Variants in AGBL1 observed in about 807,000 individuals in gnomAD.
The protein encoded by AGBL1 is AGBL carboxypeptidase 1.
A neutral mutation model predicts 118.9 loss-of-function variants in AGBL1; 130 were observed. The ratio of observed to expected loss-of-function variants is 1.09; its 90% CI spans 0.95 to 1.26. The LOEUF is 1.26. AGBL1 is among the 50% of genes most tolerant of loss of function. The pLI, the probability that AGBL1 is intolerant of heterozygous loss-of-function variation, is 0.00. For missense variants in AGBL1, 1,584 were observed against 1,298.1 expected (o/e 1.22, Z -3.38); for synonymous variants, 555 against 478.9 (o/e 1.16, Z -2.08).
intron 21 of AGBL1, among the ~76,000 whole-genome samples, chr15:86,671,057 C>G (rs998991868): frequency 6.6e-6 from 1 of 152,146 alleles, no homozygotes; most frequent in African/African-American, 2.4e-5. Flanking sequence ...TAACCCTCTT[C>G]TCTCTTACCT....
intron 18 of AGBL1, among the ~76,000 whole-genome samples, chr15:86,405,361 A>G (rs1230848426): frequency 6.6e-6 from 1 of 151,608 alleles, no homozygotes; most frequent in Non-Finnish European, 1.5e-5. Flanking sequence ...AAATACCAAA[A>G]AAAAATTAGC....
At chr15:86,975,281 G>GAAGGAGGAGCAAAAT (rs1260905581) in intron 23 of AGBL1, among the ~76,000 whole-genome samples, 1 of 152,092 alleles carries the variant, frequency 6.6e-6, no homozygotes, top group South Asian at 2.1e-4. Context: ...GGCAGAAGGT[G>GAAGGAGGAGCAAAAT]AAGGAGGAGC....
chr15:86,518,383 T>C (rs2083147651), intron 18 of AGBL1, among the ~76,000 whole-genome samples: 1 of 152,150 alleles, frequency 6.6e-6, no homozygotes, highest in Non-Finnish European at 1.5e-5. Flanking sequence ...CTTTAGACTG[T>C]CCAGCCTTTA....
At chr15:86,989,719 G>A (rs1160123700) in intron 24 of AGBL1, among the ~76,000 whole-genome samples, 1 of 152,098 alleles carries the variant, frequency 6.6e-6, no homozygotes, top group Admixed American at 6.6e-5. Flanking sequence ...GAATAAAAAT[G>A]GAACAAGATA....
chr15:86,903,285 CTTT>C (rs918991327), intron 22 of AGBL1, among the ~76,000 whole-genome samples: 5 of 151,722 alleles, frequency 3.3e-5, no homozygotes, highest in Non-Finnish European at 7.4e-5. Context: ...TTTGCTGAGA[CTTT>C]TTGTTTTTTA....
chr15:86,564,853 C>G (rs1323303427), intron 21 of AGBL1, among the ~76,000 whole-genome samples: 3 of 152,184 alleles, frequency 2.0e-5, no homozygotes, highest in African/African-American at 7.2e-5. Context: ...TTTCTCTAAA[C>G]TTCTCTTCTC....
At chr15:86,803,213 T>TCATTTCACCTC (rs1479373137) in intron 22 of AGBL1, among the ~76,000 whole-genome samples, 1 of 152,126 alleles carries the variant, frequency 6.6e-6, no homozygotes, top group Non-Finnish European at 1.5e-5. Flanking sequence ...GGTGATTGGA[T>TCATTTCACCTC]CATGGGGGTT....
At chr15:86,939,872 G>A (rs1596653919) in intron 23 of AGBL1, 1 of 86,360 alleles carries the variant, frequency 1.2e-5, no homozygotes, top group Non-Finnish European at 2.8e-5. Flanking sequence ...AGAGTACGCT[G>A]TTTCTTTTTT....
At chr15:86,342,071 G>A (rs1365947447) in intron 17 of AGBL1, among the ~76,000 whole-genome samples, 1 of 152,148 alleles carries the variant, frequency 6.6e-6, no homozygotes, top group African/African-American at 2.4e-5. Context: ...GCTAATCAAG[G>A]CTACTTTCTG....
intron 22 of AGBL1, among the ~76,000 whole-genome samples, chr15:86,867,170 G>A (rs1012460534): frequency 6.6e-6 from 1 of 152,042 alleles, no homozygotes; most frequent in Non-Finnish European, 1.5e-5. Flanking sequence ...TTGGGGGTGG[G>A]GGAATTGTAT....
chr15:86,476,213 C>A (rs1271393210), intron 18 of AGBL1, among the ~76,000 whole-genome samples: 1 of 152,176 alleles, frequency 6.6e-6, no homozygotes, highest in Non-Finnish European at 1.5e-5. Context: ...ATGACAGGAT[C>A]AAATTCACAC....
At chr15:86,175,281 G>T (rs1355074171) in intron 5 of AGBL1, among the ~76,000 whole-genome samples, 1 of 151,790 alleles carries the variant, frequency 6.6e-6, no homozygotes, top group African/African-American at 2.4e-5. Flanking sequence ...TTTTCCTCTA[G>T]GTTTTCTGAT....
At chr15:86,437,319 G>C (rs1056242956) in intron 18 of AGBL1, among the ~76,000 whole-genome samples, 1 of 152,200 alleles carries the variant, frequency 6.6e-6, no homozygotes, top group Non-Finnish European at 1.5e-5. Flanking sequence ...CACTAGCCCA[G>C]TGATCAGCCA....
At chr15:86,168,712 C>G (rs1057308134) in intron 5 of AGBL1, among the ~76,000 whole-genome samples, 1 of 152,230 alleles carries the variant, frequency 6.6e-6, no homozygotes, top group South Asian at 2.1e-4. Flanking sequence ...TCTCAAAGTT[C>G]AGAGTGATAT....
At chr15:86,485,778 T>G (rs757021384) in intron 18 of AGBL1, among the ~76,000 whole-genome samples, 45 of 152,250 alleles carry the variant, frequency 3.0e-4, no homozygotes, top group Non-Finnish European at 4.7e-4. Flanking sequence ...TATTCTGTGT[T>G]GCAGAGGTAT....
chr15:86,208,536 A>T (rs1441653371), intron 5 of AGBL1, among the ~76,000 whole-genome samples: 2 of 152,074 alleles, frequency 1.3e-5, no homozygotes, highest in South Asian at 2.1e-4. Flanking sequence ...CTTCTTCCTG[A>T]TTTAGTCTTG....
chr15:86,662,473 G>A lies in AGBL1; in HGVS notation c.2995-11800G>A, dbSNP rs186977161. Among the ~76,000 whole-genome samples the A allele has an allele frequency of 2.0e-5, 3 of 152,324 alleles. No homozygotes were observed. In the East Asian group the frequency reaches 5.8e-4, roughly 29 times the overall value. On this transcript the variant is annotated intron_variant, in intron 21 of 22. Coordinates refer to ENST00000614907, the MANE Select transcript of AGBL1 (RefSeq NM_001386094.1). Reference sequence around the variant, plus strand: ...AAAGTTGGGATTTAGATCCCAGAGAGCTGACTACCAAAATACTCCCTTTAT... The same window carrying A: ...AAAGTTGGGATTTAGATCCCAGAGAACTGACTACCAAAATACTCCCTTTAT...
At chr15:86,934,214 C>G (rs962852155) in intron 23 of AGBL1, among the ~76,000 whole-genome samples, 1 of 152,182 alleles carries the variant, frequency 6.6e-6, no homozygotes, top group Non-Finnish European at 1.5e-5. Flanking sequence ...TCCAAGGAGA[C>G]TTGTTCTGCA....
At chr15:86,566,718 C>A (rs2083921664) in intron 21 of AGBL1, among the ~76,000 whole-genome samples, 1 of 152,182 alleles carries the variant, frequency 6.6e-6, no homozygotes, top group Admixed American at 6.5e-5. Flanking sequence ...GATACAGACA[C>A]ACACACACAC....
Sources: gnomAD v4.1 joint callset for allele counts (sites outside exome capture counted in the v4.1 genomes callset) on GRCh38, gnomAD v4.1.1 for gene constraint, MANE v1.5 for transcripts, NCBI Gene and HGNC (gene_info 2026-07-23, HGNC 2026-07-21) for gene names.